The following SHISAL2A variants were observed in gnomAD, a reference collection of about 807,000 sequenced individuals.
SHISAL2A encodes the protein protein shisa-like-2A.
A neutral mutation model predicts 11.5 loss-of-function variants in SHISAL2A; 18 were observed. That is an observed-to-expected ratio of 1.57 (90% CI 1.08 to 2.33). SHISAL2A has a LOEUF of 2.33. Ranked by LOEUF, SHISAL2A falls within the 30% of genes most tolerant of loss-of-function variation. SHISAL2A has a pLI of 0.00. For missense variants in SHISAL2A, 261 were observed against 250.9 expected (o/e 1.04, Z -0.27); for synonymous variants, 94 against 99.6 (o/e 0.94, Z 0.34).
chr1:52,655,200 A>G (rs902533391), intron 2 of SHISAL2A, among the ~76,000 whole-genome samples: 7 of 151,966 alleles, frequency 4.6e-5, no homozygotes, highest in African/African-American at 1.4e-4. Flanking sequence ...GAATAAATAA[A>G]TAAATAAAAC....
chr1:52,656,698 C>A, intron 2 of SHISAL2A, 92 bp from the exon 3 acceptor site: 3 of 1,409,212 alleles, frequency 2.1e-6, no homozygotes, highest in Non-Finnish European at 2.9e-6. Context: ...CCACAGTGCA[C>A]TGCCCAAGGT....
intron 4 of SHISAL2A, among the ~76,000 whole-genome samples, chr1:52,665,587 C>T (rs1691995728): frequency 1.3e-5 from 2 of 152,184 alleles, no homozygotes; most frequent in South Asian, 4.1e-4. Flanking sequence ...ATTTTTCTTC[C>T]ATTAAGTCGA....
intron 4 of SHISAL2A, among the ~76,000 whole-genome samples, chr1:52,662,213 AAC>A (rs916502518): frequency 2.6e-5 from 4 of 152,174 alleles, no homozygotes; most frequent in African/African-American, 4.8e-5. Context: ...GGAGAAAAGA[AAC>A]AGTCTGGAAG....
chr1:52,647,477 A>G (rs1442485384), intron 2 of SHISAL2A, among the ~76,000 whole-genome samples: 1 of 152,212 alleles, frequency 6.6e-6, no homozygotes, highest in Admixed American at 6.5e-5. Context: ...AATTTGTTAA[A>G]AAAGAAATGC....
chr1:52,651,773 G>A (rs1308690893), intron 2 of SHISAL2A, among the ~76,000 whole-genome samples: 1 of 152,160 alleles, frequency 6.6e-6, no homozygotes, highest in African/African-American at 2.4e-5. Flanking sequence ...GCTGATCAGA[G>A]CTCTTTGATT....
intron 2 of SHISAL2A, among the ~76,000 whole-genome samples, chr1:52,649,603 C>A (rs1427740341): frequency 6.6e-6 from 1 of 152,222 alleles, no homozygotes; most frequent in East Asian, 1.9e-4. Context: ...CCATAACTTT[C>A]TTATTCTGGT....
Position 52,633,440 on chromosome 1 carries a change from C to T in SHISAL2A, c.-54C>T. The T allele has an allele frequency of 7.1e-7, 1 of 1,406,084 alleles. No individual in the cohort carries two copies. The highest frequency in any genetic ancestry group is 9.2e-7 in the Non-Finnish European group (1 of 1,084,578). 87.1% of individuals were successfully genotyped at this position (1,406,084 alleles called of 1,614,324 possible). ...CTCGGTCCCTCGCTTCCCCGCCGGG[C>T]TCTAGCCGGCCGTCTGGTGGCCCGA... On this transcript the variant is annotated 5_prime_UTR_variant, in exon 1 of 3. Transcript: ENST00000517870. This position sits in a 1 kb window ranked among gnomAD's most constrained non-coding sequence, Gnocchi z 6.4.
chr1:52,664,234 A>C (rs1310535743), intron 4 of SHISAL2A, among the ~76,000 whole-genome samples: 1 of 150,756 alleles, frequency 6.6e-6, no homozygotes, highest in Non-Finnish European at 1.5e-5. Context: ...TCTGTCGCCC[A>C]GGCTGGAGTG....
At chr1:52,667,430 T>C (rs758366043) in exon 5 of SHISAL2A, 31 of 981,664 alleles carry the variant, frequency 3.2e-5, no homozygotes, top group Admixed American at 6.2e-5. Context: ...ACAACCACAA[T>C]TGTAATTCGT....
rs768442051 is a variant in SHISAL2A, at chr1:52,642,877, T to C, written c.197T>C (p.Ile66Thr). Residue 66 changes from isoleucine (I) to threonine (T), a missense_variant, in exon 2 of 3, where the codon ATA becomes ACA. Coordinates refer to ENST00000517870, the MANE Select transcript of SHISAL2A (RefSeq NM_001042693.3). Reference protein sequence around the residue: ...YMWWLSIGALIGLSVAAVVLL... With the variant: ...YMWWLSIGALTGLSVAAVVLL... Reference sequence around the variant, plus strand: ...TCTCTTCCCAGCATTGGCGCTCTCATAGGCCTGTCCGTAGCAGCAGTGGTT... The same window carrying C: ...TCTCTTCCCAGCATTGGCGCTCTCACAGGCCTGTCCGTAGCAGCAGTGGTT... 7 of 1,613,322 alleles carry C rather than the reference T, an allele frequency of 4.3e-6. No individual in the cohort carries two copies. Among genetic ancestry groups the C allele is most frequent in the Non-Finnish European group, 5.9e-6 (7 of 1,180,024 alleles).
intron 1 of SHISAL2A, among the ~76,000 whole-genome samples, chr1:52,635,835 T>G (rs113483197): frequency 1.3e-5 from 2 of 152,262 alleles, no homozygotes; most frequent in African/African-American, 4.8e-5. Context: ...ATTCCTCTTA[T>G]AGTTAACTTG....
At chr1:52,635,638 C>T (rs1437399943) in intron 1 of SHISAL2A, among the ~76,000 whole-genome samples, 1 of 151,902 alleles carries the variant, frequency 6.6e-6, no homozygotes, top group African/African-American at 2.4e-5. Flanking sequence ...TACAACTCCT[C>T]CTATAGGAGG....
Position 52,633,383 on chromosome 1 carries a change from T to C in SHISAL2A, c.-111T>C. ...TTCTCTCGGCCCCTGGGTCTCTTCG[T>C]CTCTGCCGTTCTCAGGCTCAGCTCC... On this transcript the variant is annotated 5_prime_UTR_variant, in exon 1 of 3. Coordinates refer to ENST00000517870, the MANE Select transcript of SHISAL2A (RefSeq NM_001042693.3). The surrounding 1 kb of genome is among the most constrained non-coding windows in gnomAD (Gnocchi z 6.4). The C allele has an allele frequency of 1.0e-6, 1 of 993,514 alleles. No individual in the cohort carries two copies. The highest frequency in any genetic ancestry group is 1.9e-5 in the South Asian group (1 of 52,902). The allele number at this position is 993,514 out of a possible 1,614,324, so 61.5% of individuals were successfully genotyped here. A position where few individuals can be genotyped will look rare whatever the true frequency, so the allele number is the denominator to read the frequency against.
chr1:52,656,799 A>C lies in SHISAL2A; in HGVS notation c.332A>C (p.Glu111Ala). 6.2e-7 allele frequency: 1 copy of C among 1,608,304 alleles called. No individual in the cohort carries two copies. Among genetic ancestry groups the C allele is most frequent in the Non-Finnish European group, 8.5e-7 (1 of 1,176,178 alleles). The part of the protein sequence containing the change: ...GLSLQTAGPE[E>A]VSPDCQGVNT... ...GTTTGCTGTTTTCCAGGCCCTGAGG[A>C]GGTTTCTCCTGACTGCCAAGGTGTG... The change falls in exon 3 of 3, where the codon GAG becomes GCG. Residue 111 changes from glutamate (E) to alanine (A), a missense_variant. By Grantham distance (107) the Glu-to-Ala change is moderately radical. Transcript: ENST00000517870.
chr1:52,648,039 T>C (rs1691540977), intron 2 of SHISAL2A, among the ~76,000 whole-genome samples: 1 of 139,108 alleles, frequency 7.2e-6, no homozygotes, highest in Non-Finnish European at 1.5e-5. Flanking sequence ...TGGCAATATC[T>C]ATTTAAATAA....
intron 2 of SHISAL2A, among the ~76,000 whole-genome samples, chr1:52,651,955 G>A (rs1691658683): frequency 6.6e-6 from 1 of 152,182 alleles, no homozygotes; most frequent in Admixed American, 6.5e-5. Flanking sequence ...TTGGCACAAA[G>A]TAGCACAATG....
intron 2 of SHISAL2A, among the ~76,000 whole-genome samples, chr1:52,647,280 C>CA (rs1180735763): frequency 6.6e-6 from 1 of 152,114 alleles, no homozygotes; most frequent in Non-Finnish European, 1.5e-5. Flanking sequence ...GATCAGTTGA[C>CA]AAAAATGTGA....
In SHISAL2A at chr1:52,656,776, T is replaced by C. The variant is rs745820173; in HGVS notation, c.323-14T>C. On this transcript the variant is annotated splice_polypyrimidine_tract_variant and intron_variant, in intron 2 of 2. Transcript: ENST00000517870. ...AAGAAGAGAGCCACACACCCTCAGT[T>C]TGCTGTTTTCCAGGCCCTGAGGAGG... is the stretch of plus-strand genomic sequence containing the variant. 1.3e-6 allele frequency: 2 copies of C among 1,590,382 alleles called. No individual in the cohort carries two copies. Among genetic ancestry groups the C allele is most frequent in the Non-Finnish European group, 1.7e-6 (2 of 1,166,230 alleles).
Position 52,651,535 on chromosome 1 carries a change from C to T in SHISAL2A, c.323-5255C>T, listed in dbSNP as rs556250979. On this transcript the variant is annotated intron_variant, in intron 2 of 2. Coordinates refer to ENST00000517870, the MANE Select transcript of SHISAL2A (RefSeq NM_001042693.3). ...TGCAGGTGTGAGCCACTGTGCCCGG[C>T]CCAACAATTTTTGTTTTCTTTTTTT... Among the ~76,000 whole-genome samples the T allele has an allele frequency of 5.9e-5, 9 of 152,190 alleles. No individual in the cohort carries two copies. In the East Asian group the frequency reaches 1.7e-3, roughly 29 times the overall value.
Sources: gnomAD v4.1 joint callset for allele counts (sites outside exome capture counted in the v4.1 genomes callset) on GRCh38, gnomAD v4.1.1 for gene constraint, Gnocchi (gnomAD v3.1) non-coding constraint, MANE v1.5 for transcripts, NCBI Gene and HGNC (gene_info 2026-07-23, HGNC 2026-07-21) for gene names.